The following SLC6A6 variants were observed in gnomAD, a reference collection of about 807,000 sequenced individuals.
The protein encoded by SLC6A6 is sodium- and chloride-dependent taurine transporter.
A neutral mutation model predicts 68.8 loss-of-function variants in SLC6A6; 16 were observed. That is an observed-to-expected ratio of 0.23 (90% CI 0.16 to 0.35). The LOEUF is 0.35. Ranked by LOEUF, SLC6A6 falls within the 10% of genes least tolerant of loss-of-function variation. The pLI, the probability that SLC6A6 is intolerant of heterozygous loss-of-function variation, is 1.00. For missense variants in SLC6A6, 474 were observed against 802.8 expected, an observed-to-expected ratio of 0.59 and a Z score of 4.95; for synonymous variants, 312 against 315.4, an observed-to-expected ratio of 0.99 and a Z score of 0.12.
intron 1 of SLC6A6, among the ~76,000 whole-genome samples, chr3:14,405,009 G>A (rs140036967): frequency 6.6e-6 from 1 of 152,358 alleles, no homozygotes; most frequent in East Asian, 1.9e-4. Flanking sequence ...TGGACAAACT[G>A]AGAGCCACCT....
intron 9 of SLC6A6, among the ~76,000 whole-genome samples, chr3:14,471,949 G>A (rs1404925768): frequency 1.3e-5 from 2 of 152,016 alleles, no homozygotes; most frequent in African/African-American, 4.8e-5. Flanking sequence ...AAATAACCAC[G>A]CCCCGATGGA....
chr3:14,442,279 GACAA>G (rs1187610621), intron 2 of SLC6A6, among the ~76,000 whole-genome samples: 3 of 152,212 alleles, frequency 2.0e-5, no homozygotes, highest in East Asian at 1.9e-4. Context: ...TGATCATGAA[GACAA>G]ACAAGTTGTG....
In SLC6A6 at chr3:14,435,637, G is replaced by A. The variant is rs1203234595; in HGVS notation, c.-11-7987G>A. The stretch of plus-strand genomic sequence containing the variant: ...GCCAGCCTGGTCAGCATCTCCGCAC[G>A]AGCCCATTCTTCCCTTTGCCACGGC... On this transcript the variant is annotated intron_variant, in intron 2 of 14. Transcript: ENST00000622186. Among the ~76,000 whole-genome samples the A allele has an allele frequency of 3.3e-5, 5 of 152,198 alleles. No homozygotes were observed. The South Asian group carries it at 6.2e-4, about 19-fold the overall frequency.
chr3:14,417,533 C>A (rs765337376), intron 2 of SLC6A6, among the ~76,000 whole-genome samples: 6 of 152,064 alleles, frequency 3.9e-5, no homozygotes, highest in Non-Finnish European at 7.4e-5. Flanking sequence ...AGATCGAGAC[C>A]ATCCTGGCTA....
At chr3:14,409,206 A>G (rs1371480931) in intron 1 of SLC6A6, among the ~76,000 whole-genome samples, 1 of 152,248 alleles carries the variant, frequency 6.6e-6, no homozygotes, top group Non-Finnish European at 1.5e-5. Context: ...ATGTCAGAAC[A>G]CACGGATCTG....
chr3:14,409,553 C>G (rs780788917), intron 1 of SLC6A6, among the ~76,000 whole-genome samples: 2 of 152,250 alleles, frequency 1.3e-5, no homozygotes, highest in Non-Finnish European at 2.9e-5. Flanking sequence ...TCCCACTGAC[C>G]GCACGGCAAA....
Position 14,481,569 on chromosome 3 carries a change from G to A in SLC6A6, c.1552-102G>A. 1 of 769,556 alleles carries A rather than the reference G, an allele frequency of 1.3e-6. No homozygotes were observed. Among genetic ancestry groups the A allele is most frequent in the South Asian group, 1.7e-5 (1 of 59,962 alleles). The allele number at this position is 769,556 out of a possible 1,614,324, so 47.7% of individuals were successfully genotyped here. A position where few individuals can be genotyped will look rare whatever the true frequency, so the allele number is the denominator to read the frequency against. ...AGTTCTGAGCCAGTCCTTTCCCAAG[G>A]AGAGAGACCCTTCCCTCAGGTTGAG... On this transcript the variant is annotated intron_variant, in intron 13 of 14. Coordinates refer to ENST00000622186, the MANE Select transcript of SLC6A6 (RefSeq NM_003043.6). This position sits in a 1 kb window ranked among gnomAD's most constrained non-coding sequence, Gnocchi z 4.7.
rs969564139 is a variant in SLC6A6 at position 14,477,570 on chromosome 3, G to A, written c.1347+228G>A. On this transcript the variant is annotated intron_variant, in intron 11 of 14. Transcript: ENST00000622186. This position sits in a 1 kb window ranked among gnomAD's most constrained non-coding sequence, Gnocchi z 4.2. ...TTTTGCCTGTTGCTGTGGCAACACT[G>A]TGACCACCCGCTGCCCTCTGTCCTG... Among the ~76,000 whole-genome samples, 2 of 152,242 alleles carry A rather than the reference G, an allele frequency of 1.3e-5. No individual in the cohort carries two copies. The highest frequency in any genetic ancestry group is 2.9e-5 in the Non-Finnish European group (2 of 68,042).
intron 6 of SLC6A6, among the ~76,000 whole-genome samples, chr3:14,460,313 T>C (rs1700466443): frequency 6.6e-6 from 1 of 151,674 alleles, no homozygotes; most frequent in African/African-American, 2.4e-5. Flanking sequence ...GGGAAAAATA[T>C]ATAGGAGTCA....
At chr3:14,423,698 C>A (rs1050625916) in intron 2 of SLC6A6, among the ~76,000 whole-genome samples, 2 of 152,094 alleles carry the variant, frequency 1.3e-5, no homozygotes, top group Admixed American at 6.6e-5. Flanking sequence ...CCTCAGTTGC[C>A]CCATCTGTAA....
chr3:14,415,726 A>G (rs987036323), intron 1 of SLC6A6, among the ~76,000 whole-genome samples: 1 of 151,238 alleles, frequency 6.6e-6, no homozygotes, highest in East Asian at 1.9e-4. Flanking sequence ...CCCCGCTCCA[A>G]AAAAAGTCTT....
chr3:14,457,292 G>T (rs1700391599), intron 5 of SLC6A6, among the ~76,000 whole-genome samples: 1 of 152,200 alleles, frequency 6.6e-6, no homozygotes, highest in South Asian at 2.1e-4. Context: ...CAGGGCAGGG[G>T]AGGAAACCAG....
At chr3:14,403,085 TGTGTGTGTG>T (rs1254840519) in intron 1 of SLC6A6, among the ~76,000 whole-genome samples, 1 of 23,778 alleles carries the variant, frequency 4.2e-5, no homozygotes, top group East Asian at 9.6e-4. Context: ...AGAGTGTGTG[TGTGTGTGTG>T]TGTGTGTGTG....
intron 5 of SLC6A6, among the ~76,000 whole-genome samples, chr3:14,451,204 G>T (rs1482370760): frequency 6.6e-6 from 1 of 152,224 alleles, no homozygotes; most frequent in Non-Finnish European, 1.5e-5. Flanking sequence ...AAAGGATTGA[G>T]ACTATTTCAA....
chr3:14,451,422 T>G (rs115692042), intron 5 of SLC6A6, among the ~76,000 whole-genome samples: 1,720 of 152,336 alleles, frequency 0.011, 34 homozygotes, highest in African/African-American at 0.04. Flanking sequence ...GAACAGCCCA[T>G]GCAGAGTCAG....
intron 5 of SLC6A6, among the ~76,000 whole-genome samples, chr3:14,452,247 C>T (rs1170341959): frequency 2.6e-5 from 4 of 152,172 alleles, no homozygotes; most frequent in Admixed American, 6.5e-5. Flanking sequence ...CCCAGCTGCA[C>T]GACCTTGAGG....
At chr3:14,465,844 C>T (rs894712214) in intron 6 of SLC6A6, among the ~76,000 whole-genome samples, 1 of 152,266 alleles carries the variant, frequency 6.6e-6, no homozygotes, top group Admixed American at 6.5e-5. Flanking sequence ...TCCACCTCTA[C>T]GCCCTGGAAT....
At chr3:14,422,526 G>GAGCACGTGCAGCATAGGGCC in intron 2 of SLC6A6, among the ~76,000 whole-genome samples, 1 of 152,278 alleles carries the variant, frequency 6.6e-6, no homozygotes. Context: ...GTCAGGCACA[G>GAGCACGTGCAGCATAGGGCC]AGCACGTGCA....
At chr3:14,410,151 T>C (rs1276540306) in intron 1 of SLC6A6, among the ~76,000 whole-genome samples, 2 of 136,198 alleles carry the variant, frequency 1.5e-5, no homozygotes, top group African/African-American at 5.7e-5. Flanking sequence ...CCCTCCATCC[T>C]ATGCGACAGA....
Sources: allele counts gnomAD v4.1 joint callset (sites outside exome capture counted in the v4.1 genomes callset), GRCh38; gene constraint gnomAD v4.1.1; non-coding constraint Gnocchi (gnomAD v3.1); transcripts MANE v1.5; gene names NCBI Gene and HGNC (gene_info 2026-07-23, HGNC 2026-07-21).